The following PHF14 variants were observed in gnomAD, a reference collection of about 807,000 sequenced individuals.
PHF14 encodes PHD finger protein 14.
PHF14 carries 55 observed loss-of-function variants against 117.9 expected under a neutral mutation model. That is an observed-to-expected ratio of 0.47 (90% confidence interval 0.38 to 0.58). The LOEUF (loss-of-function observed/expected upper bound fraction) is 0.58. Ranked by LOEUF, PHF14 falls within the 20% of genes least tolerant of loss-of-function variation. The pLI is 0.00. For missense variants in PHF14, 978 were observed against 1,122.2 expected (o/e 0.87, Z 1.84); for synonymous variants, 409 against 368.6 (o/e 1.11, Z -1.26).
At chr7:10,977,201 A>G (rs572617126) in intron 2 of PHF14, among the ~76,000 whole-genome samples, 4 of 152,180 alleles carry the variant, frequency 2.6e-5, no homozygotes, top group African/African-American at 9.6e-5. Context: ...GTGGATTCCC[A>G]GCCCTACTTA....
intron 17 of PHF14, among the ~76,000 whole-genome samples, chr7:11,122,127 C>A (rs983562259): frequency 6.6e-6 from 1 of 151,082 alleles, no homozygotes. Context: ...TTTTCTGTTT[C>A]TGTGTTAGTT....
At chr7:11,088,709 T>C (rs531848490) in intron 16 of PHF14, among the ~76,000 whole-genome samples, 37 of 152,270 alleles carry the variant, frequency 2.4e-4, no homozygotes, top group Non-Finnish European at 4.6e-4. Flanking sequence ...TTTATAGCTA[T>C]AGTTATAGTA....
At chr7:11,003,458 A>C (rs538417519) in intron 4 of PHF14, among the ~76,000 whole-genome samples, 2 of 152,258 alleles carry the variant, frequency 1.3e-5, no homozygotes, top group East Asian at 3.9e-4. Context: ...AGATTTGAAA[A>C]ATCTTACTTT....
chr7:11,054,720 C>G (rs1410933256), intron 14 of PHF14, among the ~76,000 whole-genome samples: 1 of 152,094 alleles, frequency 6.6e-6, no homozygotes, highest in Non-Finnish European at 1.5e-5. Flanking sequence ...CAATATATAA[C>G]TAATTTTTCT....
At chr7:11,127,145 T>G (rs893004648) in intron 17 of PHF14, among the ~76,000 whole-genome samples, 1 of 152,030 alleles carries the variant, frequency 6.6e-6, no homozygotes, top group Non-Finnish European at 1.5e-5. Flanking sequence ...CAGTCCAGTT[T>G]AATGTCAAAT....
intron 4 of PHF14, among the ~76,000 whole-genome samples, chr7:10,996,109 C>T (rs1782637731): frequency 6.6e-6 from 1 of 152,214 alleles, no homozygotes; most frequent in Admixed American, 6.5e-5. Flanking sequence ...ATGTGGGAAG[C>T]CATAACATGG....
chr7:11,005,533 CTAAA>C (rs1783051175), intron 4 of PHF14, among the ~76,000 whole-genome samples: 4 of 152,202 alleles, frequency 2.6e-5, no homozygotes, highest in Admixed American at 1.3e-4. Flanking sequence ...GTCTCTACCT[CTAAA>C]TAAACTGGAT....
At chr7:11,072,020 A>G (rs941358719) in intron 16 of PHF14, among the ~76,000 whole-genome samples, 2 of 152,208 alleles carry the variant, frequency 1.3e-5, no homozygotes, top group African/African-American at 4.8e-5. Flanking sequence ...ATTTATAACC[A>G]TTCTGCTGAG....
At chr7:11,117,285 G>A (rs113761815) in intron 17 of PHF14, among the ~76,000 whole-genome samples, 11 of 151,794 alleles carry the variant, frequency 7.2e-5, no homozygotes, top group African/African-American at 2.7e-4. Context: ...AAGGTGAGCT[G>A]TCTTAGCTTG....
intron 6 of PHF14, among the ~76,000 whole-genome samples, chr7:11,025,933 A>T (rs1783893950): frequency 1.3e-5 from 2 of 152,018 alleles, no homozygotes; most frequent in South Asian, 4.2e-4. Context: ...CCAAAGTGGC[A>T]AAACCCTGTA....
chr7:11,063,170 A>G (rs1454850383), intron 16 of PHF14: 12 of 973,840 alleles, frequency 1.2e-5, no homozygotes, highest in Non-Finnish European at 1.5e-5. Context: ...GTAGAAAAAG[A>G]CAAAGTCCTT....
intron 17 of PHF14, among the ~76,000 whole-genome samples, chr7:11,138,395 G>A (rs1385556434): frequency 1.3e-5 from 2 of 152,076 alleles, no homozygotes; most frequent in Admixed American, 1.3e-4. Flanking sequence ...AAAAAACACA[G>A]TTGAGAAACA....
intron 2 of PHF14, among the ~76,000 whole-genome samples, chr7:10,981,628 A>G (rs1485027124): frequency 2.0e-5 from 3 of 152,146 alleles, no homozygotes; most frequent in Non-Finnish European, 4.4e-5. Context: ...TTATTCATCA[A>G]TTTCTTCCAT....
chr7:11,169,262 A>G lies in PHF14; in HGVS notation c.2773-154A>G, dbSNP rs187934839. On this transcript the variant is annotated intron_variant, in intron 17 of 17. Coordinates refer to ENST00000634607, the MANE Select transcript of PHF14 (RefSeq NM_001007157.2). ...GTTCTATAAAACAGCACCTATTGCA[A>G]ATATTTAAATGTTACATAATTTTAC... 2.5e-3 allele frequency among the ~76,000 whole-genome samples: 382 copies of G among 152,320 alleles called. 2 individuals are homozygous for G. Among genetic ancestry groups the G allele is most frequent in the African/African-American group, 8.6e-3 (356 of 41,580 alleles).
chr7:11,115,293 A>G (rs932723739), intron 17 of PHF14, among the ~76,000 whole-genome samples: 1 of 151,876 alleles, frequency 6.6e-6, no homozygotes, highest in East Asian at 1.9e-4. Flanking sequence ...CCCCTTTTTA[A>G]CCATTCTGCT....
intron 14 of PHF14, among the ~76,000 whole-genome samples, chr7:11,055,170 C>T (rs1784976465): frequency 6.6e-6 from 1 of 152,114 alleles, no homozygotes; most frequent in Non-Finnish European, 1.5e-5. Context: ...TATGTGGAAA[C>T]TTTTACTTAC....
At chr7:11,102,914 A>T in intron 16 of PHF14, 1 of 1,061,698 alleles carries the variant, frequency 9.4e-7, no homozygotes. Context: ...CTTACTGAAG[A>T]GTTACTGAAG....
intron 17 of PHF14, among the ~76,000 whole-genome samples, chr7:11,156,069 T>C (rs1301901277): frequency 1.3e-5 from 2 of 152,222 alleles, no homozygotes; most frequent in Non-Finnish European, 2.9e-5. Context: ...GTGGCCTGTT[T>C]TGTGAATCAT....
chr7:11,011,489 C>T (rs548129241), intron 4 of PHF14, among the ~76,000 whole-genome samples: 7 of 152,126 alleles, frequency 4.6e-5, no homozygotes, highest in African/African-American at 1.7e-4. Flanking sequence ...CAGTTTATTG[C>T]GTGTTACTTT....
Sources: allele counts gnomAD v4.1 joint callset (sites outside exome capture counted in the v4.1 genomes callset), GRCh38; gene constraint gnomAD v4.1.1; transcripts MANE v1.5; gene names NCBI Gene and HGNC (gene_info 2026-07-23, HGNC 2026-07-21).